Variants in MPPED2 observed in about 807,000 individuals in gnomAD.
MPPED2 encodes metallophosphoesterase domain containing 2.
In MPPED2, 5 loss-of-function variants were observed where a neutral mutation model predicts 33.0. The ratio of observed to expected loss-of-function variants is 0.15; its 90% CI spans 0.08 to 0.32. The LOEUF (loss-of-function observed/expected upper bound fraction) is 0.32. MPPED2 is among the 10% of genes least tolerant of loss of function. The pLI, the probability that MPPED2 is intolerant of heterozygous loss-of-function variation, is 1.00. For synonymous variants in MPPED2, 136 were observed against 141.9 expected (o/e 0.96, Z 0.29); for missense variants, 275 against 372.1 (o/e 0.74, Z 2.15).
At chr11:30,502,793 T>C (rs1385290377) in intron 3 of MPPED2, among the ~76,000 whole-genome samples, 1 of 152,136 alleles carries the variant, frequency 6.6e-6, no homozygotes. Context: ...AATAAACATA[T>C]ATAAGCACTG....
At chr11:30,496,465 T>C (rs941866354) in intron 3 of MPPED2, among the ~76,000 whole-genome samples, 1 of 152,224 alleles carries the variant, frequency 6.6e-6, no homozygotes, top group Admixed American at 6.5e-5. Context: ...TCACTGTTCA[T>C]CTGCTGCTTT....
intron 2 of MPPED2, among the ~76,000 whole-genome samples, chr11:30,559,350 ATATT>A (rs1409548118): frequency 6.6e-6 from 1 of 152,214 alleles, no homozygotes; most frequent in Non-Finnish European, 1.5e-5. Flanking sequence ...AATTGCAATC[ATATT>A]TAAATTCTTA....
intron 5 of MPPED2, among the ~76,000 whole-genome samples, chr11:30,414,605 G>T (rs145936912): frequency 1.2e-3 from 188 of 150,802 alleles, no homozygotes; most frequent in Non-Finnish European, 2.1e-3. Context: ...GATTTATTCA[G>T]CCATGGGTTT....
At chr11:30,491,512 T>C (rs749282593) in intron 4 of MPPED2, among the ~76,000 whole-genome samples, 2 of 152,230 alleles carry the variant, frequency 1.3e-5, no homozygotes, top group South Asian at 4.1e-4. Flanking sequence ...TCACTATTAG[T>C]AGTAATAGCT....
chr11:30,540,696 G>A (rs1955055666), intron 2 of MPPED2, among the ~76,000 whole-genome samples: 1 of 152,026 alleles, frequency 6.6e-6, no homozygotes, highest in African/African-American at 2.4e-5. Context: ...GCATATACTG[G>A]GAGCGGAATC....
chr11:30,400,519 T>G (rs1212297303), intron 6 of MPPED2, among the ~76,000 whole-genome samples: 1 of 152,256 alleles, frequency 6.6e-6, no homozygotes, highest in Admixed American at 6.5e-5. Context: ...CCAATATTAC[T>G]TTGCAGATGT....
chr11:30,566,071 GCCTTATTCAA>G (rs1226757368), intron 2 of MPPED2, among the ~76,000 whole-genome samples: 4 of 152,020 alleles, frequency 2.6e-5, no homozygotes, highest in Non-Finnish European at 5.9e-5. Context: ...AAACTGGTTC[GCCTTATTCAA>G]AACGCATGAT....
rs768954061 is a variant in MPPED2, at chr11:30,495,402, A to G, written c.430T>C (p.Leu144=). ...DYYRFPSVSK[L]KPEDFDNVQS... The stretch of plus-strand genomic sequence containing the variant: ...ACATTGTCAAAGTCCTCTGGTTTCA[A>G]TTTGGACACAGAGGGGAAACGGTAG... Residue 144 remains leucine, a synonymous_variant, in exon 4 of 7, where the codon TTG becomes CTG. Coordinates refer to ENST00000358117, the MANE Select transcript of MPPED2 (RefSeq NM_001584.3). The G allele has an allele frequency of 1.2e-6, 2 of 1,614,006 alleles. No homozygotes were observed. Among genetic ancestry groups the G allele is most frequent in the South Asian group, 1.1e-5 (1 of 91,090 alleles).
chr11:30,539,920 C>A lies in MPPED2; in HGVS notation c.129-3745G>T, dbSNP rs538498863. Among the ~76,000 whole-genome samples the A allele has an allele frequency of 5.0e-4, 76 of 152,292 alleles. 1 individual carries two copies. In the South Asian group the frequency reaches 5.8e-3, roughly 12 times the overall value. ...TGAGATTATAGGCGTGAGCCACCCC[C>A]ACCTGGCTTCAATTTTCATTCTGAG... On this transcript the variant is annotated intron_variant, in intron 2 of 6. Coordinates refer to ENST00000358117, the MANE Select transcript of MPPED2 (RefSeq NM_001584.3).
intron 2 of MPPED2, among the ~76,000 whole-genome samples, chr11:30,572,767 G>C (rs1956761366): frequency 6.6e-6 from 1 of 151,968 alleles, no homozygotes; most frequent in Admixed American, 6.6e-5. Context: ...TGAGCGTTAG[G>C]GGTCATTTCT....
chr11:30,550,212 AAC>A (rs544588075), intron 2 of MPPED2, among the ~76,000 whole-genome samples: 59 of 151,822 alleles, frequency 3.9e-4, no homozygotes, highest in African/African-American at 1.3e-3. Flanking sequence ...TAGCCTGAGA[AAC>A]AGTCAGTGAA....
At chr11:30,501,703 T>C (rs765435414) in intron 3 of MPPED2, 21 of 615,666 alleles carry the variant, frequency 3.4e-5, no homozygotes, top group Non-Finnish European at 4.3e-5. Flanking sequence ...GGGTTATTCT[T>C]CTATGAGCAT....
chr11:30,419,062 A>G (rs1948499453), intron 4 of MPPED2, among the ~76,000 whole-genome samples: 2 of 152,212 alleles, frequency 1.3e-5, no homozygotes, highest in South Asian at 4.1e-4. Context: ...TCCTTAAGCC[A>G]TGCCCGGGGT....
chr11:30,517,048 A>G (rs1953572983), intron 3 of MPPED2, among the ~76,000 whole-genome samples: 1 of 152,336 alleles, frequency 6.6e-6, no homozygotes, highest in East Asian at 1.9e-4. Context: ...AGGCTTTATA[A>G]TAGTCAGGAC....
At chr11:30,475,439 T>G (rs977953066) in intron 4 of MPPED2, among the ~76,000 whole-genome samples, 1 of 152,126 alleles carries the variant, frequency 6.6e-6, no homozygotes, top group Non-Finnish European at 1.5e-5. Flanking sequence ...CTCATACCCT[T>G]TGCAGTCTGT....
At chr11:30,396,528 A>G (rs1201362990) in intron 6 of MPPED2, among the ~76,000 whole-genome samples, 2 of 152,152 alleles carry the variant, frequency 1.3e-5, no homozygotes, top group Non-Finnish European at 2.9e-5. Flanking sequence ...TTTCAGCTCA[A>G]TGAAACAAGG....
intron 4 of MPPED2, among the ~76,000 whole-genome samples, chr11:30,439,724 T>G (rs1949481299): frequency 6.6e-6 from 1 of 152,208 alleles, no homozygotes; most frequent in South Asian, 2.1e-4. Context: ...GAGAACTTCC[T>G]CAGATAATAC....
chr11:30,422,864 G>A (rs1318042242), intron 4 of MPPED2, among the ~76,000 whole-genome samples: 1 of 152,140 alleles, frequency 6.6e-6, no homozygotes, highest in African/African-American at 2.4e-5. Context: ...AACTCCATCT[G>A]CCTGAAGCCA....
intron 5 of MPPED2, 50 bp from the exon 6 acceptor site, chr11:30,414,391 G>T (rs780783716): frequency 3.4e-6 from 4 of 1,186,882 alleles, no homozygotes; most frequent in Non-Finnish European, 3.8e-6. Flanking sequence ...TTCAGGTAAG[G>T]TTTCATTTAG....
Sources: allele counts gnomAD v4.1 joint callset (sites outside exome capture counted in the v4.1 genomes callset), GRCh38; gene constraint gnomAD v4.1.1; transcripts MANE v1.5; gene names NCBI Gene and HGNC (gene_info 2026-07-23, HGNC 2026-07-21).